MAP3K10: variants seen among roughly 807,000 people sequenced by gnomAD.
MAP3K10 encodes mitogen-activated protein kinase kinase kinase 10, also known as MKN28 derived nonreceptor_type serine/threonine kinase.
A neutral mutation model predicts 75.0 loss-of-function variants in MAP3K10; 22 were observed. That is an observed-to-expected ratio of 0.29 (90% confidence interval 0.21 to 0.42). The LOEUF (loss-of-function observed/expected upper bound fraction) is 0.42, where lower values mean the gene tolerates loss of function less well. Among genes scored for constraint, MAP3K10 ranks in the 10% least tolerant of loss-of-function variants. The pLI, the probability that MAP3K10 is intolerant of heterozygous loss-of-function variation, is 1.00. For missense variants in MAP3K10, 1,165 were observed against 1,379.8 expected (o/e 0.84, Z 2.47); for synonymous variants, 599 against 612.9 (o/e 0.98, Z 0.34).
chr19:40,199,939 C>T (rs113043818), intron 2 of MAP3K10, among the ~76,000 whole-genome samples: 3,909 of 150,808 alleles, frequency 0.026, 75 homozygotes, highest in Non-Finnish European at 0.035. Flanking sequence ...TGGGTGAATC[C>T]CTTGACACCA....
In MAP3K10 at chr19:40,198,597, G is replaced by C. The variant is rs745566490; in HGVS notation, c.863+42G>C. On this transcript the variant is annotated intron_variant, in intron 2 of 9. Coordinates refer to ENST00000253055, the MANE Select transcript of MAP3K10 (RefSeq NM_002446.4). The surrounding 1 kb of genome is among the most constrained non-coding windows in gnomAD (Gnocchi z 4.3). ...CCGGGATGGCCTCTGGGGAGTAAGG[G>C]AGGGAGGAAGGGGTGAGGGCAGAGT... The C allele has an allele frequency of 6.4e-7, 1 of 1,564,074 alleles. No individual in the cohort carries two copies. The highest frequency in any genetic ancestry group is 1.2e-5 in the South Asian group (1 of 85,284).
intron 5 of MAP3K10, among the ~76,000 whole-genome samples, chr19:40,208,360 T>TA (rs1568492125): frequency 1.4e-4 from 17 of 118,880 alleles, no homozygotes; most frequent in Admixed American, 7.6e-4. Context: ...TTTTTTTTTT[T>TA]TTTTTTTTTG....
rs781672618 is a variant in MAP3K10, at chr19:40,192,347, G to GT, written c.317dup (p.Phe109LeufsTer24). 6.2e-7 allele frequency: 1 copy of GT among 1,613,404 alleles called. No homozygotes were observed. The highest frequency in any genetic ancestry group is 8.5e-7 in the Non-Finnish European group (1 of 1,179,856). ...GCTGCAGCTAGAGGAGATCATCGGT[G>GT]TGGGGGGCTTTGGCAAGGTCTATCG... On this transcript the variant is annotated frameshift_variant, in exon 1 of 10. Transcript: ENST00000253055. LOFTEE classifies it high-confidence loss of function. This position sits in a 1 kb window ranked among gnomAD's most constrained non-coding sequence, Gnocchi z 7.1.
chr19:40,192,641 G>T lies in MAP3K10; in HGVS notation c.610G>T (p.Ala204Ser). The change falls in exon 1 of 10, where the codon GCC becomes TCC. Residue 204 changes from alanine to serine, a missense_variant. Physicochemically the swap from Ala to Ser is moderately conservative, Grantham distance 99. Around this residue, in one of 2 missense-constraint regions of MAP3K10, gnomAD observed 575 missense variants for 793.2 expected, o/e 0.72. Coordinates refer to ENST00000253055, the MANE Select transcript of MAP3K10 (RefSeq NM_002446.4). This position sits in a 1 kb window ranked among gnomAD's most constrained non-coding sequence, Gnocchi z 7.1. Reference sequence around the variant, plus strand: ...GCTGGTCAACTGGGCTGTGCAGGTGGCCCGGGGCATGAACTACCTACACAA... The same window carrying T: ...GCTGGTCAACTGGGCTGTGCAGGTGTCCCGGGGCATGAACTACCTACACAA... ...HVLVNWAVQVARGMNYLHNDA... is the reference protein window; with the variant it reads ...HVLVNWAVQVSRGMNYLHNDA... 3 of 1,601,428 alleles carry T rather than the reference G, an allele frequency of 1.9e-6. No individual in the cohort carries two copies. The highest frequency in any genetic ancestry group is 1.1e-5 in the South Asian group (1 of 88,928).
rs769454308 is a variant in MAP3K10, at chr19:40,215,019, G to C, written c.2592G>C (p.Leu864=). ...CCCGCCTGCCCGACCCCCAGGCCCT[G>C]TTCCCAGCCCGCCGCCGGCCCCCTG... is the stretch of plus-strand genomic sequence containing the variant. ...DFPRLPDPQA[L]FPARRRPPEF... The change falls in exon 10 of 10, where the codon CTG becomes CTC. Residue 864 remains leucine, a synonymous_variant. Transcript: ENST00000253055. 5.4e-5 allele frequency: 87 copies of C among 1,599,584 alleles called. No individual in the cohort carries two copies. Among genetic ancestry groups the C allele is most frequent in the Non-Finnish European group, 6.6e-5 (77 of 1,172,760 alleles).
chr19:40,209,078 G>A, intron 5 of MAP3K10, 25 bp from the exon 6 acceptor site: 1 of 1,558,316 alleles, frequency 6.4e-7, no homozygotes, highest in Middle Eastern at 1.7e-4. Context: ...CATTTGCTTA[G>A]GAAAGCTTCT....
intron 5 of MAP3K10, 28 bp downstream of exon 5, chr19:40,206,185 C>A: frequency 6.4e-7 from 1 of 1,557,640 alleles, no homozygotes. Context: ...CAGAGCGCCC[C>A]CCAAGAGGCT....
At chr19:40,214,870 G>T (rs1009669003) in intron 9 of MAP3K10, 100 bp from the exon 10 acceptor site, 4 of 649,884 alleles carry the variant, frequency 6.2e-6, no homozygotes, top group Admixed American at 2.6e-5. Context: ...CGGATTTCTC[G>T]AGAGAAACCA....
rs1458041343 is a variant in MAP3K10 at position 40,205,945 on chromosome 19, C to T, written c.1223C>T (p.Ala408Val). Reference protein sequence around the residue: ...LRSREEELLRAAQEQRFQEEQ... With the variant: ...LRSREEELLRVAQEQRFQEEQ... Reference sequence around the variant, plus strand: ...AGCCGTGAGGAGGAGCTGCTGCGGGCGGCACAGGAGCAGCGCTTCCAGGAG... The same window carrying T: ...AGCCGTGAGGAGGAGCTGCTGCGGGTGGCACAGGAGCAGCGCTTCCAGGAG... The change falls in exon 5 of 10, where the codon GCG becomes GTG. Residue 408 changes from alanine to valine, a missense_variant. Physicochemically the swap from Ala to Val is moderately conservative, Grantham distance 64 (BLOSUM62 0). This residue lies in a region of MAP3K10 where 575 missense variants were observed against 793.2 expected (regional missense o/e 0.72). Coordinates refer to ENST00000253055, the MANE Select transcript of MAP3K10 (RefSeq NM_002446.4). The surrounding 1 kb of genome is among the most constrained non-coding windows in gnomAD (Gnocchi z 4.3). 5.0e-6 allele frequency: 8 copies of T among 1,594,538 alleles called. No individual in the cohort carries two copies. The highest frequency in any genetic ancestry group is 1.3e-5 in the African/African-American group (1 of 74,666).
At position 40,192,121 on chromosome 19, in the gene MAP3K10, G is replaced by A. The variant is rs1260038616; in HGVS notation, c.90G>A (p.Ala30=). 7 of 1,573,390 alleles carry A rather than the reference G, an allele frequency of 4.4e-6. No individual in the cohort carries two copies. Among genetic ancestry groups the A allele is most frequent in the East Asian group, 4.6e-5 (2 of 43,542 alleles). The change falls in exon 1 of 10, where the codon GCG becomes GCA. Residue 30 remains alanine, a synonymous_variant. Coordinates refer to ENST00000253055, the MANE Select transcript of MAP3K10 (RefSeq NM_002446.4). The surrounding 1 kb of genome is among the most constrained non-coding windows in gnomAD (Gnocchi z 7.1). The stretch of plus-strand genomic sequence containing the variant: ...CCGCGGTGTTCGACTACGAGGCGGC[G>A]GGCGACGAGGAGCTGACCCTGCGGA... The part of the protein sequence containing the change: ...VWTAVFDYEA[A]GDEELTLRRG...
chr19:40,215,126 A>T lies in MAP3K10; in HGVS notation c.2699A>T (p.Lys900Ile). The T allele has an allele frequency of 1.2e-6, 2 of 1,611,186 alleles. 1 individual carries two copies. The highest frequency in any genetic ancestry group is 2.2e-5 in the South Asian group (2 of 90,818). The change falls in exon 10 of 10, where the codon AAA becomes ATA. Residue 900 changes from lysine to isoleucine, a missense_variant. Transcript: ENST00000253055. ...AGTCGCCCCCGCTTGGACCCCTGGA[A>T]ACTGGTCTCCTTCGGCCGGACACTC... is the stretch of plus-strand genomic sequence containing the variant. Reference protein sequence around the residue: ...AASRPRLDPWKLVSFGRTLTI... With the variant: ...AASRPRLDPWILVSFGRTLTI...
rs563718250 is a variant in MAP3K10 at position 40,204,838 on chromosome 19, T to A, written c.1012+205T>A. ...CCCTTGTTTGGGCCAGGCCCAGAGC[T>A]CTCAGGACAACCTGTTAGGATTCCT... On this transcript the variant is annotated intron_variant, in intron 3 of 9. Coordinates refer to ENST00000253055, the MANE Select transcript of MAP3K10 (RefSeq NM_002446.4). This position sits in a 1 kb window ranked among gnomAD's most constrained non-coding sequence, Gnocchi z 4.3. 9.2e-5 allele frequency: 61 copies of A among 664,164 alleles called. No individual in the cohort carries two copies. The African/African-American group carries it at 9.2e-4, about 10-fold the overall frequency. 41.1% of individuals were successfully genotyped at this position (664,164 alleles called of 1,614,324 possible).
rs370349746 is a variant in MAP3K10, at chr19:40,209,263, C to T, written c.1552+44C>T. 5.9e-6 allele frequency: 9 copies of T among 1,520,418 alleles called. No individual in the cohort carries two copies. The African/African-American group carries it at 1.2e-4, about 21-fold the overall frequency. The allele number at this position is 1,520,418 out of a possible 1,614,324, so 94.2% of individuals were successfully genotyped here. A position where few individuals can be genotyped will look rare whatever the true frequency, so the allele number is the denominator to read the frequency against. On this transcript the variant is annotated intron_variant, in intron 6 of 9. Transcript: ENST00000253055. ...CCTGACCAGTCAGTCAGTCAGTGAACAAACATTTTTTAGCACGATGTTTAT... is the reference window on the plus strand; with the variant it reads ...CCTGACCAGTCAGTCAGTCAGTGAATAAACATTTTTTAGCACGATGTTTAT...
intron 9 of MAP3K10, among the ~76,000 whole-genome samples, 196 bp from the exon 10 acceptor site, chr19:40,214,774 G>A (rs1202850205): frequency 1.3e-5 from 2 of 152,132 alleles, no homozygotes; most frequent in East Asian, 1.9e-4. Flanking sequence ...CCACCCAGAG[G>A]AGCAAGCAGC....
intron 5 of MAP3K10, among the ~76,000 whole-genome samples, chr19:40,208,138 G>A (rs556891776): frequency 6.6e-6 from 1 of 151,862 alleles, no homozygotes; most frequent in Non-Finnish European, 1.5e-5. Flanking sequence ...ATAACCAAAT[G>A]GAGTACCTGT....
intron 2 of MAP3K10, among the ~76,000 whole-genome samples, chr19:40,203,063 C>T (rs1214784062): frequency 1.3e-5 from 2 of 152,288 alleles, no homozygotes; most frequent in African/African-American, 2.4e-5. Flanking sequence ...TTGAATGGGC[C>T]GGGCGCAGTG....
chr19:40,192,263 C>G lies in MAP3K10; in HGVS notation c.232C>G (p.Pro78Ala), dbSNP rs1272624833. ...VGVFPSNYVAPGAPAAPAGLQ... is the reference protein window; with the variant it reads ...VGVFPSNYVAAGAPAAPAGLQ... ...CGTCTTCCCCAGCAACTACGTGGCCCCCGGCGCCCCCGCTGCACCCGCGGG... is the reference window on the plus strand; with the variant it reads ...CGTCTTCCCCAGCAACTACGTGGCCGCCGGCGCCCCCGCTGCACCCGCGGG... The change falls in exon 1 of 10, where the codon CCC (proline) becomes GCC (alanine). Residue 78 changes from proline to alanine, a missense_variant. Around this residue, in one of 2 missense-constraint regions of MAP3K10, gnomAD observed 575 missense variants for 793.2 expected, o/e 0.72. Transcript: ENST00000253055. This position sits in a 1 kb window ranked among gnomAD's most constrained non-coding sequence, Gnocchi z 7.1. The G allele has an allele frequency of 1.2e-6, 2 of 1,601,444 alleles. No homozygotes were observed. Among genetic ancestry groups the G allele is most frequent in the Admixed American group, 3.4e-5 (2 of 58,618 alleles).
chr19:40,209,177 C>A lies in MAP3K10; in HGVS notation c.1510C>A (p.Pro504Thr), dbSNP rs756990388. The A allele has an allele frequency of 1.4e-5, 22 of 1,614,116 alleles. No individual in the cohort carries two copies. The highest frequency in any genetic ancestry group is 1.6e-4 in the Middle Eastern group (1 of 6,084). ...KRKGSDGASP[P>T]ASPSIIPRLR... ...GAAAGGATCCGATGGGGCCAGCCCC[C>A]CTGCAAGCCCCAGCATCATCCCCCG... The change falls in exon 6 of 10, where the codon CCT (proline) becomes ACT (threonine). Residue 504 changes from proline to threonine, a missense_variant. Physicochemically the swap from Pro to Thr is conservative, Grantham distance 38. Around this residue, in one of 2 missense-constraint regions of MAP3K10, gnomAD observed 575 missense variants for 793.2 expected, o/e 0.72. Transcript: ENST00000253055.
At chr19:40,199,808 C>T (rs1225166202) in intron 2 of MAP3K10, among the ~76,000 whole-genome samples, 1 of 151,608 alleles carries the variant, frequency 6.6e-6, no homozygotes, top group Non-Finnish European at 1.5e-5. Context: ...GTAGTGAGAC[C>T]CCATGTATAT....
Sources: gnomAD v4.1 joint callset for allele counts (sites outside exome capture counted in the v4.1 genomes callset) on GRCh38, gnomAD v4.1.1 for gene constraint, gnomAD v4.1.1 regional missense constraint, Gnocchi (gnomAD v3.1) non-coding constraint, MANE v1.5 for transcripts, NCBI Gene and HGNC (gene_info 2026-07-23, HGNC 2026-07-21) for gene names.